Variants in SCN2A observed in about 807,000 individuals in gnomAD.
The protein encoded by SCN2A is sodium voltage-gated channel alpha subunit 2, also known as sodium channel protein type 2 subunit alpha.
In SCN2A, 20 loss-of-function variants were observed where a neutral mutation model predicts 188.7. The ratio of observed to expected loss-of-function variants is 0.11; its 90% confidence interval spans 0.07 to 0.15. The LOEUF (loss-of-function observed/expected upper bound fraction) is 0.15. Ranked by LOEUF, SCN2A falls within the 10% of genes least tolerant of loss-of-function variation. The probability of loss-of-function intolerance (pLI) is 1.00; values close to 1 mark genes in which losing one functional copy is unlikely to be tolerated. For synonymous variants in SCN2A, 804 were observed against 833.1 expected (o/e 0.97, Z 0.60); for missense variants, 1,278 against 2,445.0 (o/e 0.52, Z 10.07).
At chr2:165,297,887 A>G (rs1472117107) in intron 3 of SCN2A, among the ~76,000 whole-genome samples, 1 of 151,932 alleles carries the variant, frequency 6.6e-6, no homozygotes, top group African/African-American at 2.4e-5. Context: ...GATTGATGAC[A>G]TCTTGGTGGG....
At chr2:165,373,830 G>C (rs182183565) in intron 21 of SCN2A, among the ~76,000 whole-genome samples, 2 of 152,110 alleles carry the variant, frequency 1.3e-5, no homozygotes, top group Non-Finnish European at 2.9e-5. Context: ...CATTTAGAAG[G>C]GTGGTACAAA....
intron 11 of SCN2A, among the ~76,000 whole-genome samples, chr2:165,322,038 T>C (rs1490442802): frequency 6.6e-6 from 1 of 152,154 alleles, no homozygotes. Context: ...TGTCTGTGAG[T>C]AGCTTTAGGC....
At chr2:165,312,146 T>G in intron 8 of SCN2A, 58 bp downstream of exon 8, 1 of 1,266,816 alleles carries the variant, frequency 7.9e-7, no homozygotes, top group Non-Finnish European at 1.2e-6. Context: ...GTCAATAACC[T>G]GCCACCTCCC....
chr2:165,298,233 T>C (rs1316744711), intron 3 of SCN2A, among the ~76,000 whole-genome samples: 2 of 152,218 alleles, frequency 1.3e-5, no homozygotes, highest in Non-Finnish European at 2.9e-5. Flanking sequence ...ATTAAGGCTT[T>C]CAGTATAAAT....
intron 1 of SCN2A, among the ~76,000 whole-genome samples, chr2:165,278,635 G>A (rs1695450469): frequency 6.6e-6 from 1 of 152,112 alleles, no homozygotes; most frequent in Non-Finnish European, 1.5e-5. Flanking sequence ...TGGTAAGAGG[G>A]AAGACTAGAA....
At chr2:165,240,659 CTG>C (rs35247335) in intron 1 of SCN2A, among the ~76,000 whole-genome samples, 1,500 of 136,398 alleles carry the variant, frequency 0.011, 12 homozygotes, top group Admixed American at 0.019. Context: ...GTGGAAAGAG[CTG>C]TGTGTGTGTG....
At chr2:165,245,983 A>G (rs1693827706) in intron 1 of SCN2A, among the ~76,000 whole-genome samples, 1 of 152,192 alleles carries the variant, frequency 6.6e-6, no homozygotes, top group South Asian at 2.1e-4. Flanking sequence ...ATCCTTAGTT[A>G]TATCACCAGG....
At chr2:165,263,958 A>C (rs1227344550) in intron 1 of SCN2A, among the ~76,000 whole-genome samples, 1 of 151,512 alleles carries the variant, frequency 6.6e-6, no homozygotes, top group Non-Finnish European at 1.5e-5. Flanking sequence ...CACTGTTGGT[A>C]GTATAGCAGA....
chr2:165,304,361 C>A (rs1337408312), intron 3 of SCN2A, among the ~76,000 whole-genome samples: 8 of 152,188 alleles, frequency 5.3e-5, no homozygotes, highest in Non-Finnish European at 1.2e-4. Context: ...TCCTGAAATG[C>A]TGAGATTATA....
At chr2:165,257,782 C>A (rs1001193793) in intron 1 of SCN2A, among the ~76,000 whole-genome samples, 1 of 152,130 alleles carries the variant, frequency 6.6e-6, no homozygotes, top group African/African-American at 2.4e-5. Flanking sequence ...AAGTGATCCA[C>A]CCCCCTCGGC....
intron 16 of SCN2A, among the ~76,000 whole-genome samples, chr2:165,345,355 T>C (rs1446484928): frequency 6.6e-6 from 1 of 152,162 alleles, no homozygotes; most frequent in Non-Finnish European, 1.5e-5. Context: ...GCAAGTAACA[T>C]TGTCTCTAAA....
At chr2:165,278,251 C>G (rs1574487765) in intron 1 of SCN2A, among the ~76,000 whole-genome samples, 2 of 152,134 alleles carry the variant, frequency 1.3e-5, no homozygotes, top group African/African-American at 4.8e-5. Context: ...GTATATTAGT[C>G]CATTTTCTTG....
intron 25 of SCN2A, among the ~76,000 whole-genome samples, chr2:165,382,059 A>G (rs530187673): frequency 6.6e-6 from 1 of 152,218 alleles, no homozygotes; most frequent in African/African-American, 2.4e-5. Context: ...CAAAGGGTGT[A>G]CAACTTGAGC....
At position 165,315,524 on chromosome 2, in the gene SCN2A, G is replaced by T. The variant is rs940572077; in HGVS notation, c.1437G>T (p.Gly479=). Residue 479 remains glycine (G), a synonymous_variant, in exon 11 of 27, where the codon GGG becomes GGT. Transcript: ENST00000375437. ...CAAGAGACTTCAGTGGTGCTGGTGG[G>T]ATAGGAGTTTTTTCAGAGAGTTCTT... ...AESRDFSGAG[G]IGVFSESSSV... The T allele has an allele frequency of 6.2e-7, 1 of 1,614,016 alleles. No individual in the cohort carries two copies. Among genetic ancestry groups the T allele is most frequent in the Non-Finnish European group, 8.5e-7 (1 of 1,179,928 alleles).
intron 17 of SCN2A, among the ~76,000 whole-genome samples, chr2:165,355,265 T>C (rs1364014958): frequency 6.6e-6 from 1 of 152,186 alleles, no homozygotes; most frequent in Non-Finnish European, 1.5e-5. Flanking sequence ...TATTTAACCC[T>C]ACTGAGCTCA....
intron 14 of SCN2A, among the ~76,000 whole-genome samples, chr2:165,336,753 A>G (rs1699019182): frequency 6.6e-6 from 1 of 151,982 alleles, no homozygotes; most frequent in Non-Finnish European, 1.5e-5. Context: ...TTTTTCTTCC[A>G]ATCACCTATT....
intron 14 of SCN2A, among the ~76,000 whole-genome samples, chr2:165,338,232 G>A (rs1699105397): frequency 6.6e-6 from 1 of 151,482 alleles, no homozygotes; most frequent in Non-Finnish European, 1.5e-5. Flanking sequence ...TATAACATAG[G>A]TAAGTGTAAA....
chr2:165,320,699 A>G (rs1487728280), intron 11 of SCN2A, among the ~76,000 whole-genome samples: 4 of 152,222 alleles, frequency 2.6e-5, no homozygotes, highest in Non-Finnish European at 5.9e-5. Flanking sequence ...CCATGGGCCT[A>G]GCTCTACATT....
chr2:165,312,261 A>C (rs1697475911), intron 8 of SCN2A, among the ~76,000 whole-genome samples, 173 bp downstream of exon 8: 1 of 152,062 alleles, frequency 6.6e-6, no homozygotes, highest in East Asian at 1.9e-4. Flanking sequence ...CCTCTTTCAC[A>C]CAGTCATTTA....
Sources: allele counts gnomAD v4.1 joint callset (sites outside exome capture counted in the v4.1 genomes callset), GRCh38; gene constraint gnomAD v4.1.1; transcripts MANE v1.5; gene names NCBI Gene and HGNC (gene_info 2026-07-23, HGNC 2026-07-21).